Variants in TNFAIP8L3 observed in about 807,000 individuals in gnomAD.
TNFAIP8L3 encodes the protein tumor necrosis factor alpha-induced protein 8-like protein 3.
A neutral mutation model predicts 11.8 loss-of-function variants in TNFAIP8L3; 7 were observed. That is an observed-to-expected ratio of 0.59 (90% confidence interval 0.34 to 1.11). The LOEUF (loss-of-function observed/expected upper bound fraction) is 1.11, where lower values mean the gene tolerates loss of function less well. Ranked by LOEUF, TNFAIP8L3 falls within the 50% of genes most tolerant of loss-of-function variation. The pLI, the probability that TNFAIP8L3 is intolerant of heterozygous loss-of-function variation, is 0.03. For missense variants in TNFAIP8L3, 219 were observed against 258.6 expected (o/e 0.85, Z 1.05); for synonymous variants, 98 against 103.8 (o/e 0.94, Z 0.34).
chr15:51,095,892 C>T (rs933413912), upstream of TNFAIP8L3, among the ~76,000 whole-genome samples: 18 of 152,186 alleles, frequency 1.2e-4, 1 homozygote, highest in Admixed American at 1.0e-3. Context: ...AAGAAAAAGT[C>T]TGCTAAAAAG....
chr15:51,065,997 A>T (rs906286978), intron 1 of TNFAIP8L3, among the ~76,000 whole-genome samples: 1 of 152,036 alleles, frequency 6.6e-6, no homozygotes, highest in Non-Finnish European at 1.5e-5. Context: ...GGGGTGGGGT[A>T]AGAGCCCTGG....
chr15:51,071,802 G>A (rs1338413207), intron 1 of TNFAIP8L3, among the ~76,000 whole-genome samples: 1 of 152,228 alleles, frequency 6.6e-6, no homozygotes, highest in Non-Finnish European at 1.5e-5. Context: ...AGTGTCTTGA[G>A]TTCCTGTGGT....
chr15:51,082,968 A>G (rs553021752), intron 1 of TNFAIP8L3, among the ~76,000 whole-genome samples: 4 of 152,238 alleles, frequency 2.6e-5, no homozygotes, highest in Non-Finnish European at 5.9e-5. Flanking sequence ...ATAAACCAAG[A>G]AAGTAAATAA....
At chr15:51,093,121 T>C (rs1339275675) in intron 1 of TNFAIP8L3, among the ~76,000 whole-genome samples, 1 of 152,242 alleles carries the variant, frequency 6.6e-6, no homozygotes, top group East Asian at 1.9e-4. Flanking sequence ...CACTTTATAG[T>C]CACAGAAACA....
intron 1 of TNFAIP8L3, among the ~76,000 whole-genome samples, chr15:51,092,653 T>C (rs952827512): frequency 6.6e-6 from 1 of 152,208 alleles, no homozygotes; most frequent in Non-Finnish European, 1.5e-5. Context: ...CTGTTCTTCA[T>C]GGGGCCCATC....
Position 51,058,125 on chromosome 15 carries a change from T to C in TNFAIP8L3, c.371A>G (p.Glu124Gly). The C allele has an allele frequency of 6.2e-7, 1 of 1,614,220 alleles. No individual in the cohort carries two copies. Residue 124 changes from glutamate (E) to glycine (G), a missense_variant, in exon 2 of 2, where the codon GAG becomes GGG. Glu to Gly is a moderately conservative substitution (Grantham distance 98). Coordinates refer to ENST00000637513, the MANE Select transcript of TNFAIP8L3 (RefSeq NM_001311175.2). ...QTAMTIVSFY[E>G]VEYTFDRNVL... ...GTTCCTATCGAAGGTGTATTCCACCTCATAGAAGCTGACAATGGTCATGGC... is the reference window on the plus strand; with the variant it reads ...GTTCCTATCGAAGGTGTATTCCACCCCATAGAAGCTGACAATGGTCATGGC...
At chr15:51,059,755 G>T (rs2065231135) in intron 1 of TNFAIP8L3, among the ~76,000 whole-genome samples, 1 of 152,212 alleles carries the variant, frequency 6.6e-6, no homozygotes, top group Non-Finnish European at 1.5e-5. Flanking sequence ...GAGAATTGAG[G>T]GTCCTGGAGA....
At chr15:51,067,553 A>G (rs778868545) in intron 1 of TNFAIP8L3, among the ~76,000 whole-genome samples, 9 of 152,254 alleles carry the variant, frequency 5.9e-5, no homozygotes, top group Admixed American at 1.3e-4. Flanking sequence ...TTTAATACAC[A>G]GACAGATTTG....
At chr15:51,077,503 G>A (rs948726799) in intron 1 of TNFAIP8L3, among the ~76,000 whole-genome samples, 8 of 152,280 alleles carry the variant, frequency 5.3e-5, no homozygotes, top group Admixed American at 3.3e-4. Context: ...TATGCAAGGG[G>A]GCCTAGTCAA....
intron 1 of TNFAIP8L3, among the ~76,000 whole-genome samples, chr15:51,060,556 T>C (rs1346565359): frequency 6.6e-6 from 1 of 152,244 alleles, no homozygotes; most frequent in African/African-American, 2.4e-5. Flanking sequence ...CAACTACATA[T>C]GCATCCAGTG....
chr15:51,096,941 T>C (rs1362423070), upstream of TNFAIP8L3, among the ~76,000 whole-genome samples: 1 of 149,564 alleles, frequency 6.7e-6, no homozygotes, highest in Non-Finnish European at 1.5e-5. Flanking sequence ...ATGGCAAAAT[T>C]TGGATACAAG....
At chr15:51,101,394 G>T (rs2065549360) in intron 1 of TNFAIP8L3, among the ~76,000 whole-genome samples, 1 of 152,142 alleles carries the variant, frequency 6.6e-6, no homozygotes, top group Admixed American at 6.5e-5. Context: ...GGCCAAGACA[G>T]GCGGATCACC....
At chr15:51,079,126 T>C (rs1315305448) in intron 1 of TNFAIP8L3, among the ~76,000 whole-genome samples, 1 of 152,172 alleles carries the variant, frequency 6.6e-6, no homozygotes, top group Non-Finnish European at 1.5e-5. Context: ...CTACAAACCC[T>C]AAGCTCCCAG....
chr15:51,100,275 A>C (rs904911123), intron 1 of TNFAIP8L3, among the ~76,000 whole-genome samples: 8 of 152,216 alleles, frequency 5.3e-5, no homozygotes, highest in African/African-American at 1.9e-4. Context: ...GATCTGGAGT[A>C]GGTTGAACAA....
chr15:51,103,636 A>C (rs996166558), intron 1 of TNFAIP8L3, among the ~76,000 whole-genome samples: 11 of 152,248 alleles, frequency 7.2e-5, no homozygotes, highest in Non-Finnish European at 1.5e-4. Flanking sequence ...TGAAACAGAC[A>C]CATTGACACC....
upstream of TNFAIP8L3, among the ~76,000 whole-genome samples, chr15:51,096,891 CA>C (rs56057102): frequency 0.2 from 19,708 of 98,140 alleles, 828 homozygotes; most frequent in East Asian, 0.31. Context: ...CACGCTGTCT[CA>C]AAAAAAAAAA....
intron 1 of TNFAIP8L3, among the ~76,000 whole-genome samples, chr15:51,073,254 C>G (rs1364599095): frequency 6.6e-6 from 1 of 152,140 alleles, no homozygotes; most frequent in African/African-American, 2.4e-5. Context: ...CCTTGGCCTC[C>G]CAAAGTGCTG....
Position 51,058,119 on chromosome 15 carries a change from T to A in TNFAIP8L3, c.377A>T (p.Glu126Val). 1 of 1,614,226 alleles carries A rather than the reference T, an allele frequency of 6.2e-7. No individual in the cohort carries two copies. The highest frequency in any genetic ancestry group is 1.1e-5 in the South Asian group (1 of 91,082). The change falls in exon 2 of 2, where the codon GAA becomes GTA. Residue 126 changes from glutamate (E) to valine (V), a missense_variant. By Grantham distance (121) the Glu-to-Val change is moderately radical. Coordinates refer to ENST00000637513, the MANE Select transcript of TNFAIP8L3 (RefSeq NM_001311175.2). ...GAGCACGTTCCTATCGAAGGTGTAT[T>A]CCACCTCATAGAAGCTGACAATGGT... is the stretch of plus-strand genomic sequence containing the variant. ...AMTIVSFYEV[E>V]YTFDRNVLSN... is the part of the protein sequence containing the mutation.
intron 1 of TNFAIP8L3, among the ~76,000 whole-genome samples, chr15:51,068,515 G>C (rs1000763365): frequency 6.6e-6 from 1 of 152,046 alleles, no homozygotes; most frequent in Non-Finnish European, 1.5e-5. Flanking sequence ...AGATCTTGAG[G>C]GATAAGTGGG....
Sources: gnomAD v4.1 joint callset for allele counts (sites outside exome capture counted in the v4.1 genomes callset) on GRCh38, gnomAD v4.1.1 for gene constraint, MANE v1.5 for transcripts, NCBI Gene and HGNC (gene_info 2026-07-23, HGNC 2026-07-21) for gene names.